The following EGFR variants were observed in gnomAD, a reference collection of about 807,000 sequenced individuals.
EGFR encodes the protein avian erythroblastic leukemia viral (v-erb-b) oncogene homolog.
Under a neutral mutation model 143.0 loss-of-function variants are expected in EGFR, and 58 were observed. The ratio of observed to expected loss-of-function variants is 0.41; its 90% CI spans 0.33 to 0.50. EGFR has a LOEUF of 0.50. Ranked by LOEUF, EGFR falls within the 20% of genes least tolerant of loss-of-function variation. EGFR has a pLI of 0.39. For synonymous variants in EGFR, 613 were observed against 594.4 expected (o/e 1.03, Z -0.45); for missense variants, 1,307 against 1,579.0 (o/e 0.83, Z 2.92).
chr7:55,157,618 A>G (rs763885112), intron 10 of EGFR, 45 bp from the exon 11 acceptor site: 1 of 1,540,836 alleles, frequency 6.5e-7, no homozygotes, highest in Non-Finnish European at 9.0e-7. Flanking sequence ...ACAAAAAAGA[A>G]ACTCCTACGT....
intron 1 of EGFR, among the ~76,000 whole-genome samples, chr7:55,087,288 A>C (rs912356362): frequency 6.6e-6 from 1 of 151,506 alleles, no homozygotes; most frequent in South Asian, 2.1e-4. Context: ...AAAAAACAAA[A>C]AAAAAAAAAC....
chr7:55,105,194 T>C (rs571103869), intron 1 of EGFR, among the ~76,000 whole-genome samples: 1 of 152,348 alleles, frequency 6.6e-6, no homozygotes, highest in African/African-American at 2.4e-5. Flanking sequence ...TGATGTCAAA[T>C]GCTCAGGCAA....
intron 1 of EGFR, among the ~76,000 whole-genome samples, chr7:55,081,419 C>G (rs1206438349): frequency 6.6e-6 from 1 of 152,168 alleles, no homozygotes; most frequent in East Asian, 1.9e-4. Flanking sequence ...CTGGACCTGG[C>G]TTTCTTCTTC....
chr7:55,141,444 T>C (rs1005521491), intron 1 of EGFR, among the ~76,000 whole-genome samples: 3 of 152,180 alleles, frequency 2.0e-5, no homozygotes, highest in East Asian at 1.9e-4. Context: ...AACTCAAGCA[T>C]ACAAGATTGT....
intron 1 of EGFR, among the ~76,000 whole-genome samples, chr7:55,059,936 A>C (rs1008561382): frequency 6.6e-6 from 1 of 152,118 alleles, no homozygotes; most frequent in Non-Finnish European, 1.5e-5. Flanking sequence ...CTGGAGACAC[A>C]GAGACCCAGT....
intron 19 of EGFR, chr7:55,180,374 T>A (rs1342635355): frequency 6.6e-6 from 1 of 152,178 alleles, no homozygotes; most frequent in Non-Finnish European, 1.5e-5. Flanking sequence ...TGATTGCAAA[T>A]AAATTTAGCT....
intron 15 of EGFR, chr7:55,168,685 G>C: frequency 8.5e-7 from 1 of 1,171,934 alleles, no homozygotes; most frequent in Admixed American, 2.4e-5. Flanking sequence ...TTACATTCCT[G>C]ATTCTGAGCC....
Position 55,019,175 on chromosome 7 carries a change from C to T in EGFR, c.-103C>T. ...ACAGGCCACCTCGTCGGCGTCCGCC[C>T]GAGTCCCCGCCTCGCCGCCAACGCC... On this transcript the variant is annotated 5_prime_UTR_variant, in exon 1 of 28. Transcript: ENST00000275493. 3 of 990,768 alleles carry T rather than the reference C, an allele frequency of 3.0e-6. No homozygotes were observed. Among genetic ancestry groups the T allele is most frequent in the Non-Finnish European group, 4.3e-6 (3 of 700,300 alleles). The allele number at this position is 990,768 out of a possible 1,614,324, so 61.4% of individuals were successfully genotyped here. A position where few individuals can be genotyped will look rare whatever the true frequency, so the allele number is the denominator to read the frequency against.
intron 16 of EGFR, 111 bp downstream of exon 16, chr7:55,171,324 T>C: frequency 6.7e-7 from 1 of 1,482,294 alleles, no homozygotes; most frequent in Admixed American, 1.7e-5. Context: ...ATCAAGTTTC[T>C]ATGGCTCTGG....
Position 55,154,080 on chromosome 7 carries a change from A to C in EGFR, c.817A>C (p.Thr273Pro), listed in dbSNP as rs1584172616. 1.9e-6 allele frequency: 3 copies of C among 1,614,082 alleles called. No homozygotes were observed. Among genetic ancestry groups the C allele is most frequent in the Non-Finnish European group, 2.5e-6 (3 of 1,180,024 alleles). Residue 273 changes from threonine to proline, a missense_variant, in exon 7 of 28, where the codon ACC (threonine) becomes CCC (proline). Transcript: ENST00000275493. ...CCCCCCACTCATGCTCTACAACCCCACCACGTACCAGATGGATGTGAACCC... is the reference window on the plus strand; with the variant it reads ...CCCCCCACTCATGCTCTACAACCCCCCCACGTACCAGATGGATGTGAACCC... ...TCPPLMLYNPTTYQMDVNPEG... is the reference protein window; with the variant it reads ...TCPPLMLYNPPTYQMDVNPEG...
rs78942083 is a variant in EGFR at position 55,187,388 on chromosome 7, C to A, written c.2470-4331C>A. ...GGCATGCGGTGTTTACGTCACTTGCCAAGATCTCAGGATTTGATCCAGGTG... is the reference window on the plus strand; with the variant it reads ...GGCATGCGGTGTTTACGTCACTTGCAAAGATCTCAGGATTTGATCCAGGTG... On this transcript the variant is annotated intron_variant, in intron 20 of 27. Transcript: ENST00000275493. Among the ~76,000 whole-genome samples, 119 of 152,280 alleles carry A rather than the reference C, an allele frequency of 7.8e-4. 1 individual carries two copies. The East Asian group carries it at 0.021, about 27-fold the overall frequency.
At chr7:55,202,804 A>G (rs1220988061) in intron 27 of EGFR, 179 bp downstream of exon 27, 3 of 715,892 alleles carry the variant, frequency 4.2e-6, no homozygotes, top group Non-Finnish European at 7.6e-6. Flanking sequence ...CCGAGCCTGC[A>G]CAAGCTCTTT....
intron 1 of EGFR, among the ~76,000 whole-genome samples, chr7:55,055,652 T>G (rs1341587442): frequency 6.6e-6 from 1 of 151,792 alleles, no homozygotes; most frequent in African/African-American, 2.4e-5. Context: ...ATTGCCCAAC[T>G]TCCTCTCTCG....
chr7:55,137,088 G>A (rs779175166), intron 1 of EGFR, among the ~76,000 whole-genome samples: 1 of 152,180 alleles, frequency 6.6e-6, no homozygotes, highest in Non-Finnish European at 1.5e-5. Flanking sequence ...GAGAATGCAG[G>A]ATAATGTGAC....
chr7:55,149,844 TTAGA>T (rs1384335749), intron 4 of EGFR, among the ~76,000 whole-genome samples: 13 of 152,328 alleles, frequency 8.5e-5, no homozygotes, highest in African/African-American at 2.9e-4. Flanking sequence ...GATAATCATG[TTAGA>T]TAGAAGCATA....
intron 1 of EGFR, among the ~76,000 whole-genome samples, chr7:55,078,131 G>C (rs1790235411): frequency 6.6e-6 from 1 of 152,134 alleles, no homozygotes; most frequent in South Asian, 2.1e-4. Flanking sequence ...CCTGTCCACC[G>C]TGCCGTGTTC....
intron 3 of EGFR, among the ~76,000 whole-genome samples, chr7:55,144,740 G>A (rs943479201): frequency 2.0e-5 from 3 of 152,162 alleles, no homozygotes; most frequent in Non-Finnish European, 2.9e-5. Flanking sequence ...ACGCTGTCTC[G>A]GAGGGAGGCA....
Position 55,191,742 on chromosome 7 carries a change from T to G in EGFR, c.2493T>G (p.Arg831=), listed in dbSNP as rs182196240. 6.2e-7 allele frequency: 1 copy of G among 1,613,940 alleles called. No individual in the cohort carries two copies. Among genetic ancestry groups the G allele is most frequent in the South Asian group, 1.1e-5 (1 of 91,064 alleles). Residue 831 remains arginine, a synonymous_variant, in exon 21 of 28, where the codon CGT becomes CGG. Transcript: ENST00000275493. ...AGGGCATGAACTACTTGGAGGACCG[T>G]CGCTTGGTGCACCGCGACCTGGCAG... The part of the protein sequence containing the change: ...IAKGMNYLED[R]RLVHRDLAAR...
chr7:55,126,490 A>G (rs1233472604), intron 1 of EGFR, among the ~76,000 whole-genome samples: 1 of 152,210 alleles, frequency 6.6e-6, no homozygotes. Context: ...CATTTGCCCA[A>G]GGGGACCCCA....
Sources: gnomAD v4.1 joint callset for allele counts (sites outside exome capture counted in the v4.1 genomes callset) on GRCh38, gnomAD v4.1.1 for gene constraint, MANE v1.5 for transcripts, NCBI Gene and HGNC (gene_info 2026-07-23, HGNC 2026-07-21) for gene names.